The following KRT8 variants were observed in gnomAD, a reference collection of about 807,000 sequenced individuals.
KRT8 encodes the protein keratin, type II cytoskeletal 8.
A neutral mutation model predicts 43.0 loss-of-function variants in KRT8; 24 were observed. That is an observed-to-expected ratio of 0.56 (90% confidence interval 0.40 to 0.78). The LOEUF (loss-of-function observed/expected upper bound fraction) is 0.78, where lower values mean the gene tolerates loss of function less well. Ranked by LOEUF, KRT8 falls within the 30% of genes least tolerant of loss-of-function variation. The pLI is 0.00. For missense variants in KRT8, 492 were observed against 638.4 expected, an observed-to-expected ratio of 0.77 and a Z score of 2.47; for synonymous variants, 214 against 261.2, an observed-to-expected ratio of 0.82 and a Z score of 1.74.
upstream of KRT8, among the ~76,000 whole-genome samples, chr12:52,910,643 T>G (rs1288273055): frequency 6.6e-6 from 1 of 152,184 alleles, no homozygotes; most frequent in Non-Finnish European, 1.5e-5. Flanking sequence ...TCAAGGAAAC[T>G]TCAGAAGCTG....
At position 52,899,332 on chromosome 12, in the gene KRT8, T is replaced by C. The variant is rs539392227; in HGVS notation, c.982-433A>G. 1.5e-4 allele frequency among the ~76,000 whole-genome samples: 23 copies of C among 151,902 alleles called. No homozygotes were observed. The South Asian group carries it at 4.8e-3, about 32-fold the overall frequency. On this transcript the variant is annotated intron_variant, in intron 5 of 7. Coordinates refer to ENST00000692008, the Ensembl canonical transcript of KRT8. ...TCTGTCTCAAAAATAAATAAATAAA[T>C]AAACGAGACTAAGGAAGCAGATCAG...
chr12:52,946,281 C>G (rs182685303), intron 2 of KRT8, among the ~76,000 whole-genome samples: 1 of 152,152 alleles, frequency 6.6e-6, no homozygotes, highest in Non-Finnish European at 1.5e-5. Context: ...TTAAATGACT[C>G]AGAGAGACAG....
chr12:52,906,913 GA>G (rs1052645896), upstream of KRT8: 1 of 371,502 alleles, frequency 2.7e-6, no homozygotes, highest in African/African-American at 2.1e-5. Context: ...GAGAGACCCA[GA>G]AGCCCCCTCC....
At chr12:52,902,298 G>A in intron 1 of KRT8, 1 of 574,504 alleles carries the variant, frequency 1.7e-6, no homozygotes, top group Non-Finnish European at 3.1e-6. Flanking sequence ...AGGGGAAGGA[G>A]ACAGGTAAGG....
intron 2 of KRT8, among the ~76,000 whole-genome samples, chr12:52,921,056 C>T (rs1941876574): frequency 6.6e-6 from 1 of 152,204 alleles, no homozygotes; most frequent in African/African-American, 2.4e-5. Flanking sequence ...ATTCATAGGC[C>T]TTTAGGAAAA....
upstream of KRT8, chr12:52,905,100 GC>G: frequency 6.9e-7 from 1 of 1,458,586 alleles, no homozygotes; most frequent in Non-Finnish European, 9.0e-7. Flanking sequence ...AGAGATCCCA[GC>G]CCCGGGGGAT....
At chr12:52,932,151 T>A (rs1225335353) in intron 2 of KRT8, among the ~76,000 whole-genome samples, 1 of 149,898 alleles carries the variant, frequency 6.7e-6, no homozygotes, top group Non-Finnish European at 1.5e-5. Context: ...TGGAGTGCAG[T>A]GGCACGATCT....
chr12:52,918,475 A>C (rs955970257), intron 2 of KRT8, among the ~76,000 whole-genome samples: 1 of 152,190 alleles, frequency 6.6e-6, no homozygotes. Flanking sequence ...AAGAACTGGC[A>C]TCTGAGCCCC....
chr12:52,931,907 T>C (rs567542259), intron 2 of KRT8, among the ~76,000 whole-genome samples: 23 of 151,806 alleles, frequency 1.5e-4, no homozygotes, highest in Admixed American at 5.3e-4. Context: ...AAGTGATCCA[T>C]CTGCCTTGGC....
chr12:52,949,080 C>A, intron 2 of KRT8: 1 of 1,223,650 alleles, frequency 8.2e-7, no homozygotes, highest in Non-Finnish European at 1.2e-6. Flanking sequence ...GGCGGGGCCT[C>A]ACTCTGCGAT....
At chr12:52,904,874 C>G in exon 1 of KRT8, 1 of 1,612,700 alleles carries the variant, frequency 6.2e-7, no homozygotes, top group Non-Finnish European at 8.5e-7. Context: ...GGGAGAAGCT[C>G]GAGGAGCTGA....
At chr12:52,935,294 G>A (rs990777959) in intron 2 of KRT8, among the ~76,000 whole-genome samples, 11 of 143,400 alleles carry the variant, frequency 7.7e-5, no homozygotes, top group Admixed American at 3.0e-4. Flanking sequence ...CAGGAGAATC[G>A]CTTGAACCCA....
exon 1 of KRT8, chr12:52,905,002 C>G (rs1024176370): frequency 6.3e-7 from 1 of 1,597,116 alleles, no homozygotes; most frequent in Non-Finnish European, 8.5e-7. Flanking sequence ...GGAGTGGAGG[C>G]AGGCGGGCCG....
chr12:52,937,374 A>G (rs1479920957), intron 2 of KRT8, among the ~76,000 whole-genome samples: 2 of 138,242 alleles, frequency 1.4e-5, no homozygotes, highest in South Asian at 2.2e-4. Flanking sequence ...CTCGGTCTCT[A>G]AAAAAAAAAA....
At chr12:52,908,416 C>T (rs1484122258), upstream of KRT8, among the ~76,000 whole-genome samples, 8 of 152,126 alleles carry the variant, frequency 5.3e-5, no homozygotes, top group Non-Finnish European at 1.0e-4. Context: ...AACAAATGTC[C>T]ACCAAATGAC....
chr12:52,917,695 C>T (rs1295646825), intron 2 of KRT8, among the ~76,000 whole-genome samples: 5 of 127,154 alleles, frequency 3.9e-5, no homozygotes, highest in African/African-American at 9.0e-5. Flanking sequence ...GGTGATAGGG[C>T]GAGACTCTGT....
chr12:52,920,317 C>T (rs1414684456), intron 2 of KRT8, among the ~76,000 whole-genome samples: 1 of 151,214 alleles, frequency 6.6e-6, no homozygotes, highest in African/African-American at 2.4e-5. Flanking sequence ...ACAGCCCCAG[C>T]CCAGGCACGG....
At chr12:52,909,983 G>C (rs1489626825), upstream of KRT8, among the ~76,000 whole-genome samples, 1 of 151,912 alleles carries the variant, frequency 6.6e-6, no homozygotes, top group Non-Finnish European at 1.5e-5. Context: ...ATGTTGCCCA[G>C]CCTGACTCGA....
At chr12:52,918,256 G>GAAGAAGAAGAAGAAGAAGAAGAAGAAA (rs1363578951) in intron 2 of KRT8, among the ~76,000 whole-genome samples, 20 of 150,248 alleles carry the variant, frequency 1.3e-4, no homozygotes, top group Non-Finnish European at 2.1e-4. Flanking sequence ...AGAAGAAGAA[G>GAAGAAGAAGAAGAAGAAGAAGAAGAAA]AAACAAAACA....
Sources: gnomAD v4.1 joint callset for allele counts (sites outside exome capture counted in the v4.1 genomes callset) on GRCh38, gnomAD v4.1.1 for gene constraint, MANE v1.5 for transcripts, NCBI Gene and HGNC (gene_info 2026-07-23, HGNC 2026-07-21) for gene names.